Variants in PIPOX observed in about 807,000 individuals in gnomAD.
PIPOX encodes peroxisomal sarcosine oxidase.
PIPOX carries 45 observed loss-of-function variants against 47.9 expected under a neutral mutation model. That is an observed-to-expected ratio of 0.94 (90% CI 0.74 to 1.20). The LOEUF (loss-of-function observed/expected upper bound fraction) is 1.20. PIPOX is among the 50% of genes most tolerant of loss of function. The probability of loss-of-function intolerance (pLI) is 0.00; values close to 1 mark genes in which losing one functional copy is unlikely to be tolerated. For synonymous variants in PIPOX, 165 were observed against 191.3 expected (o/e 0.86, Z 1.13); for missense variants, 458 against 498.4 (o/e 0.92, Z 0.77).
intron 1 of PIPOX, among the ~76,000 whole-genome samples, 195 bp downstream of exon 1, chr17:29,043,534 A>T (rs1360948359): frequency 6.6e-6 from 1 of 152,116 alleles, no homozygotes; most frequent in African/African-American, 2.4e-5. Flanking sequence ...TCATACCCAC[A>T]TTGGGTTTCT....
Position 29,053,592 on chromosome 17 carries a change from C to T in PIPOX, c.657C>T (p.Leu219=), listed in dbSNP as rs1417855833. 4 of 1,584,026 alleles carry T rather than the reference C, an allele frequency of 2.5e-6. No individual in the cohort carries two copies. The highest frequency in any genetic ancestry group is 3.5e-6 in the Non-Finnish European group (4 of 1,159,330). Residue 219 remains leucine, a synonymous_variant, in exon 4 of 8, where the codon CTC becomes CTT. Transcript: ENST00000323372. ...LLRPLGIEMP[L]QTLRINVCYW... is the part of the protein sequence containing the mutation. ...GTCCCCTGGGCATTGAGATGCCTCTCCAGGTAAGAGGAGCTGGAAGCCCGA... is the reference window on the plus strand; with the variant it reads ...GTCCCCTGGGCATTGAGATGCCTCTTCAGGTAAGAGGAGCTGGAAGCCCGA...
At chr17:29,050,726 A>G (rs1364359009) in intron 2 of PIPOX, among the ~76,000 whole-genome samples, 1 of 152,176 alleles carries the variant, frequency 6.6e-6, no homozygotes, top group Non-Finnish European at 1.5e-5. Flanking sequence ...AGCCCTAGAA[A>G]CTTGGAGGGC....
intron 2 of PIPOX, among the ~76,000 whole-genome samples, chr17:29,049,932 G>A (rs1259429767): frequency 2.0e-5 from 3 of 152,190 alleles, no homozygotes; most frequent in Non-Finnish European, 2.9e-5. Context: ...GATTACAATC[G>A]GCACAATTAC....
chr17:29,047,581 A>T (rs1435074225), intron 2 of PIPOX, among the ~76,000 whole-genome samples: 3 of 152,250 alleles, frequency 2.0e-5, no homozygotes, highest in Non-Finnish European at 4.4e-5. Flanking sequence ...TGAAAGCAAG[A>T]TGTAAATAAA....
chr17:29,047,169 C>T (rs536283498), intron 2 of PIPOX, among the ~76,000 whole-genome samples: 2 of 152,250 alleles, frequency 1.3e-5, no homozygotes, highest in East Asian at 3.9e-4. Context: ...CACCTGTAAT[C>T]ACAGCTATTA....
chr17:29,048,797 C>T (rs540530338), intron 2 of PIPOX, among the ~76,000 whole-genome samples: 5 of 152,346 alleles, frequency 3.3e-5, no homozygotes, highest in South Asian at 2.1e-4. Flanking sequence ...AATTCCACCT[C>T]GGCCCACTGA....
chr17:29,047,289 C>T (rs533944775), intron 2 of PIPOX, among the ~76,000 whole-genome samples: 25 of 151,828 alleles, frequency 1.6e-4, no homozygotes, highest in African/African-American at 4.8e-4. Flanking sequence ...AGTGAGACTC[C>T]GTCTCAAAGA....
intron 2 of PIPOX, among the ~76,000 whole-genome samples, chr17:29,049,419 G>A (rs892693050): frequency 1.3e-5 from 2 of 152,150 alleles, no homozygotes; most frequent in Admixed American, 6.5e-5. Context: ...GGGAGGCCAC[G>A]AACACAGGGG....
chr17:29,048,475 A>G (rs2065793509), intron 2 of PIPOX, among the ~76,000 whole-genome samples: 1 of 152,214 alleles, frequency 6.6e-6, no homozygotes, highest in Non-Finnish European at 1.5e-5. Context: ...CTGGGAACAG[A>G]CAATGACACA....
chr17:29,053,599 A>C lies in PIPOX; in HGVS notation c.660+4A>C. 1 of 1,573,782 alleles carries C rather than the reference A, an allele frequency of 6.4e-7. No individual in the cohort carries two copies. Among genetic ancestry groups the C allele is most frequent in the Non-Finnish European group, 8.7e-7 (1 of 1,154,548 alleles). ...GGGCATTGAGATGCCTCTCCAGGTA[A>C]GAGGAGCTGGAAGCCCGAGAGTTGG... On this transcript the variant is annotated splice_donor_region_variant and intron_variant, in intron 4 of 7. Coordinates refer to ENST00000323372, the MANE Select transcript of PIPOX (RefSeq NM_016518.3).
In PIPOX at chr17:29,053,143, T is replaced by C. The variant is rs150769501; in HGVS notation, c.477+10T>C. On this transcript the variant is annotated intron_variant, in intron 3 of 7. Transcript: ENST00000323372. ...CCTCAGAGCCCTGCAGGTAATGTCG[T>C]ATAGCACTGGGGCGATGCAGGTGCT... The C allele has an allele frequency of 1.6e-5, 25 of 1,611,020 alleles. No individual in the cohort carries two copies. The African/African-American group carries it at 3.2e-4, about 21-fold the overall frequency.
At chr17:29,045,505 G>A (rs1227275915) in intron 2 of PIPOX, among the ~76,000 whole-genome samples, 1 of 144,642 alleles carries the variant, frequency 6.9e-6, no homozygotes, top group Non-Finnish European at 1.5e-5. Flanking sequence ...CCACCTCCCG[G>A]GTTCAAGTGA....
In PIPOX at chr17:29,053,281, TG is replaced by T. The variant is rs1428810808; in HGVS notation, c.478-131del. Reference sequence around the variant, plus strand: ...TTTTCCAGCAGGGCAGTGAAATATATGCGGCTGGCCTTGTCAATACAGGACA... The same window carrying T: ...TTTTCCAGCAGGGCAGTGAAATATATCGGCTGGCCTTGTCAATACAGGACA... On this transcript the variant is annotated intron_variant, in intron 3 of 7. Coordinates refer to ENST00000323372, the MANE Select transcript of PIPOX (RefSeq NM_016518.3). 3.4e-6 allele frequency: 4 copies of T among 1,186,452 alleles called. No individual in the cohort carries two copies. The East Asian group carries it at 9.6e-5, about 29-fold the overall frequency. The allele number at this position is 1,186,452 out of a possible 1,614,324, so 73.5% of individuals were successfully genotyped here.
rs1275128362 is a variant in PIPOX at position 29,044,890 on chromosome 17, A to C, written c.146A>C (p.His49Pro). ...FFLPHSRGSS[H>P]GQSRIIRKAY... ...CTACCACACTCCCGAGGAAGCTCCC[A>C]TGGACAAAGCCGGATAATCCGAAAG... The change falls in exon 2 of 8, where the codon CAT becomes CCT. Residue 49 changes from histidine (H) to proline (P), a missense_variant. Physicochemically the swap from His to Pro is moderately conservative, Grantham distance 77. Coordinates refer to ENST00000323372, the MANE Select transcript of PIPOX (RefSeq NM_016518.3). The C allele has an allele frequency of 2.5e-6, 4 of 1,613,976 alleles. No homozygotes were observed. The highest frequency in any genetic ancestry group is 3.4e-6 in the Non-Finnish European group (4 of 1,179,946).
In PIPOX at chr17:29,056,336, A is replaced by C. The variant is rs777803847; in HGVS notation, c.*31A>C. 3.4e-5 allele frequency: 55 copies of C among 1,613,536 alleles called. 1 individual carries two copies. In the South Asian group the frequency reaches 5.9e-4, roughly 17 times the overall value. Reference sequence around the variant, plus strand: ...GGCCAGAAGCCTCCCTTCTGTGCACAGGAGCCAGTTTCACAGATGGAGAAG... The same window carrying C: ...GGCCAGAAGCCTCCCTTCTGTGCACCGGAGCCAGTTTCACAGATGGAGAAG... On this transcript the variant is annotated 3_prime_UTR_variant, in exon 8 of 8. Coordinates refer to ENST00000323372, the MANE Select transcript of PIPOX (RefSeq NM_016518.3).
intron 6 of PIPOX, among the ~76,000 whole-genome samples, 178 bp from the exon 7 acceptor site, chr17:29,055,635 C>T (rs1239388652): frequency 6.6e-6 from 1 of 152,178 alleles, no homozygotes; most frequent in Non-Finnish European, 1.5e-5. Flanking sequence ...AGAAAGGCAG[C>T]CGGACAAATG....
At chr17:29,048,702 C>T (rs1054417269) in intron 2 of PIPOX, among the ~76,000 whole-genome samples, 3 of 152,238 alleles carry the variant, frequency 2.0e-5, no homozygotes, top group Non-Finnish European at 4.4e-5. Context: ...AACCTGGTGG[C>T]CCCCTCTGCA....
At chr17:29,044,114 C>T (rs1289394141) in intron 1 of PIPOX, 1 of 152,236 alleles carries the variant, frequency 6.6e-6, no homozygotes, top group African/African-American at 2.4e-5. Flanking sequence ...TCAGTTTTCT[C>T]AAAGCCCAAG....
chr17:29,053,039 G>A lies in PIPOX; in HGVS notation c.383G>A (p.Arg128His), dbSNP rs776309545. The A allele has an allele frequency of 9.3e-6, 15 of 1,614,126 alleles. No homozygotes were observed. Among genetic ancestry groups the A allele is most frequent in the South Asian group, 2.2e-5 (2 of 91,096 alleles). Residue 128 changes from arginine (R) to histidine (H), a missense_variant, in exon 3 of 8, where the codon CGT (arginine) becomes CAT (histidine). Transcript: ENST00000323372. ...CTTTCATCTGAGGAACTGAAGCAAC[G>A]TTTCCCAAATATTCGGTTGCCCAGG... ...QCLSSEELKQRFPNIRLPRGE... is the reference protein window; with the variant it reads ...QCLSSEELKQHFPNIRLPRGE...
Sources: allele counts gnomAD v4.1 joint callset (sites outside exome capture counted in the v4.1 genomes callset), GRCh38; gene constraint gnomAD v4.1.1; transcripts MANE v1.5; gene names NCBI Gene and HGNC (gene_info 2026-07-23, HGNC 2026-07-21).